Variants in KMT5B observed in about 807,000 individuals in gnomAD.
KMT5B encodes histone-lysine N-methyltransferase KMT5B.
In KMT5B, 10 loss-of-function variants were observed where a neutral mutation model predicts 83.2. The observed-to-expected ratio is 0.12, with a 90% CI of 0.07 to 0.20. KMT5B has a LOEUF of 0.20. Among genes scored for constraint, KMT5B ranks in the 10% least tolerant of loss-of-function variants. KMT5B has a pLI of 1.00. For missense variants in KMT5B, 753 were observed against 1,067.2 expected, an observed-to-expected ratio of 0.71 and a Z score of 4.10; for synonymous variants, 349 against 388.8, an observed-to-expected ratio of 0.90 and a Z score of 1.20.
chr11:68,199,007 G>C (rs1859079680), intron 1 of KMT5B, among the ~76,000 whole-genome samples: 1 of 152,200 alleles, frequency 6.6e-6, no homozygotes, highest in African/African-American at 2.4e-5. Context: ...GGGATTACAG[G>C]CGTGAGCCAC....
intron 2 of KMT5B, among the ~76,000 whole-genome samples, chr11:68,187,818 C>A (rs1214443904): frequency 1.3e-5 from 2 of 152,138 alleles, no homozygotes; most frequent in Admixed American, 1.3e-4. Flanking sequence ...GGCTCTGCTG[C>A]TGGGAAAGTC....
chr11:68,207,250 C>T (rs1011567058), intron 1 of KMT5B, among the ~76,000 whole-genome samples: 35 of 152,018 alleles, frequency 2.3e-4, no homozygotes, highest in African/African-American at 8.5e-4. Flanking sequence ...CTACATCTCC[C>T]ATCCTAAACA....
chr11:68,166,824 T>C, intron 10 of KMT5B, 158 bp downstream of exon 10: 1 of 1,446,496 alleles, frequency 6.9e-7, no homozygotes, highest in Non-Finnish European at 9.1e-7. Context: ...ACTGTGCCTC[T>C]ACTCAAATCA....
chr11:68,188,478 T>C (rs990666348), intron 2 of KMT5B, among the ~76,000 whole-genome samples: 2 of 152,018 alleles, frequency 1.3e-5, no homozygotes, highest in East Asian at 1.9e-4. Context: ...CTCAAAGTAG[T>C]TGGAACCATA....
At chr11:68,184,566 C>A (rs149173140) in intron 3 of KMT5B, among the ~76,000 whole-genome samples, 93 of 152,290 alleles carry the variant, frequency 6.1e-4, no homozygotes, top group African/African-American at 2.1e-3. Context: ...CCTACCTCTC[C>A]CAACTACTGA....
chr11:68,177,132 G>T (rs894632163), intron 4 of KMT5B, among the ~76,000 whole-genome samples: 1 of 152,152 alleles, frequency 6.6e-6, no homozygotes, highest in African/African-American at 2.4e-5. Context: ...AAAAATACAA[G>T]AGAAGACATG....
rs1266207055 is a variant in KMT5B at position 68,155,087 on chromosome 11, ATACTT to A, written c.*2596_*2600del. On this transcript the variant is annotated 3_prime_UTR_variant, in exon 11 of 11. Coordinates refer to ENST00000304363, the MANE Select transcript of KMT5B (RefSeq NM_017635.5). Reference sequence around the variant, plus strand: ...TAATTTGAAAATGATTGAAAATTGAATACTTTACATATATTTCTATGATCATCTCC... The same window carrying A: ...TAATTTGAAAATGATTGAAAATTGAATACATATATTTCTATGATCATCTCC... 4 of 152,236 alleles carry A rather than the reference ATACTT, an allele frequency of 2.6e-5. No homozygotes were observed. The highest frequency in any genetic ancestry group is 3.8e-4 in the East Asian group (2 of 5,204). The allele number at this position is 152,236 out of a possible 1,614,324, so 9.4% of individuals were successfully genotyped here.
chr11:68,210,130 C>G (rs1860699834), intron 1 of KMT5B, among the ~76,000 whole-genome samples: 1 of 152,304 alleles, frequency 6.6e-6, no homozygotes, highest in East Asian at 1.9e-4. Flanking sequence ...CAGGCGTGAG[C>G]CACCGTACCC....
Position 68,212,135 on chromosome 11 carries a change from A to T in KMT5B, c.-77+1003T>A, listed in dbSNP as rs895295526. On this transcript the variant is annotated intron_variant, in intron 1 of 10. Coordinates refer to ENST00000304363, the MANE Select transcript of KMT5B (RefSeq NM_017635.5). ...AGGCGTGTTCTCAATATTAAAGACTAAAGGAAAAAAGTTATAGCTGGCAAC... is the reference window on the plus strand; with the variant it reads ...AGGCGTGTTCTCAATATTAAAGACTTAAGGAAAAAAGTTATAGCTGGCAAC... 1.3e-3 allele frequency among the ~76,000 whole-genome samples: 205 copies of T among 152,348 alleles called. 2 individuals carry two copies. The highest frequency in any genetic ancestry group is 7.7e-4 in the East Asian group (4 of 5,190).
At chr11:68,197,994 G>C (rs1350676342) in intron 1 of KMT5B, among the ~76,000 whole-genome samples, 1 of 152,214 alleles carries the variant, frequency 6.6e-6, no homozygotes, top group African/African-American at 2.4e-5. Context: ...GCCCTCCTAA[G>C]TGTGGAATCT....
chr11:68,158,769 T>G lies in KMT5B; in HGVS notation c.1577A>C (p.His526Pro). ...EHRQNPVRGA[H>P]SQGESSPCTY... Reference sequence around the variant, plus strand: ...GCAGGGCGAGCTCTCCCCCTGCGAATGAGCACCTCTCACAGGATTCTGTCT... The same window carrying G: ...GCAGGGCGAGCTCTCCCCCTGCGAAGGAGCACCTCTCACAGGATTCTGTCT... The change falls in exon 11 of 11, where the codon CAT becomes CCT. Residue 526 changes from histidine (H) to proline (P), a missense_variant. His to Pro is a moderately conservative substitution (Grantham distance 77). Coordinates refer to ENST00000304363, the MANE Select transcript of KMT5B (RefSeq NM_017635.5). 6.2e-7 allele frequency: 1 copy of G among 1,614,216 alleles called. No homozygotes were observed. Among genetic ancestry groups the G allele is most frequent in the Non-Finnish European group, 8.5e-7 (1 of 1,180,040 alleles).
chr11:68,176,053 G>A (rs1856346371), intron 4 of KMT5B, among the ~76,000 whole-genome samples: 1 of 151,796 alleles, frequency 6.6e-6, no homozygotes, highest in African/African-American at 2.4e-5. Flanking sequence ...TAGCTGGGAT[G>A]ACAGGCGTGC....
intron 3 of KMT5B, among the ~76,000 whole-genome samples, chr11:68,183,919 C>CA (rs1857190569): frequency 6.6e-6 from 1 of 152,080 alleles, no homozygotes; most frequent in South Asian, 2.1e-4. Flanking sequence ...CTTGGCCTCC[C>CA]AAAGTGCTGA....
chr11:68,156,458 T>C lies in KMT5B; in HGVS notation c.*1230A>G, dbSNP rs558681997. 3.9e-5 allele frequency: 6 copies of C among 152,782 alleles called. No homozygotes were observed. The highest frequency in any genetic ancestry group is 2.1e-4 in the South Asian group (1 of 4,834). 9.5% of individuals were successfully genotyped at this position (152,782 alleles called of 1,614,324 possible). On this transcript the variant is annotated 3_prime_UTR_variant, in exon 11 of 11. Coordinates refer to ENST00000304363, the MANE Select transcript of KMT5B (RefSeq NM_017635.5). ...ACTCCTTTTTGTTTAACTGATAATA[T>C]AGTCAAAAAAATCTTTGATGTTTTC...
intron 9 of KMT5B, among the ~76,000 whole-genome samples, chr11:68,168,259 A>T (rs1168222044): frequency 6.6e-6 from 1 of 151,834 alleles, no homozygotes; most frequent in Non-Finnish European, 1.5e-5. Flanking sequence ...GCATCTCTGC[A>T]TCTCTTTTTC....
chr11:68,167,718 A>T (rs1855446696), intron 9 of KMT5B, among the ~76,000 whole-genome samples: 1 of 152,188 alleles, frequency 6.6e-6, no homozygotes, highest in South Asian at 2.1e-4. Flanking sequence ...TGGGTCTCCC[A>T]AAGTGCTGGA....
chr11:68,166,380 C>T (rs2153046708), intron 10 of KMT5B: 1 of 1,021,734 alleles, frequency 9.8e-7, no homozygotes, highest in Non-Finnish European at 1.2e-6. Flanking sequence ...CTTCTTTCTC[C>T]TTTCCATCTT....
At chr11:68,213,485 G>C (rs912058816), upstream of KMT5B, 17 of 149,110 alleles carry the variant, frequency 1.1e-4, no homozygotes, top group South Asian at 1.8e-4. Context: ...ACCTCGCCTC[G>C]CGCACGGCCG....
Position 68,156,923 on chromosome 11 carries a change from G to A in KMT5B, c.*765C>T, listed in dbSNP as rs1275190318. On this transcript the variant is annotated 3_prime_UTR_variant, in exon 11 of 11. Coordinates refer to ENST00000304363, the MANE Select transcript of KMT5B (RefSeq NM_017635.5). ...TCACAGCAAATTTTTGAAAAAATAA[G>A]CACCAATCATTCTTGCAAAGAACAA... The A allele has an allele frequency of 6.6e-6, 1 of 152,438 alleles. No individual in the cohort carries two copies. The highest frequency in any genetic ancestry group is 6.5e-5 in the Admixed American group (1 of 15,268). 9.4% of individuals were successfully genotyped at this position (152,438 alleles called of 1,614,324 possible). A position where few individuals can be genotyped will look rare whatever the true frequency, so the allele number is the denominator to read the frequency against.
Sources: allele counts gnomAD v4.1 joint callset (sites outside exome capture counted in the v4.1 genomes callset), GRCh38; gene constraint gnomAD v4.1.1; transcripts MANE v1.5; gene names NCBI Gene and HGNC (gene_info 2026-07-23, HGNC 2026-07-21).